BLNK: variants seen among roughly 807,000 people sequenced by gnomAD.
The protein encoded by BLNK is B-cell linker protein.
Under a neutral mutation model 73.5 loss-of-function variants are expected in BLNK, and 29 were observed. The observed-to-expected ratio is 0.39, with a 90% CI of 0.29 to 0.54. The LOEUF (loss-of-function observed/expected upper bound fraction) is 0.54, where lower values mean the gene tolerates loss of function less well. Among genes scored for constraint, BLNK ranks in the 20% least tolerant of loss-of-function variants. The probability of loss-of-function intolerance (pLI) is 0.61; values close to 1 mark genes in which losing one functional copy is unlikely to be tolerated. For missense variants in BLNK, 460 were observed against 562.8 expected (o/e 0.82, Z 1.85); for synonymous variants, 176 against 200.8 (o/e 0.88, Z 1.04).
At chr10:96,229,654 C>CGGTG (rs1554903569) in intron 4 of BLNK, among the ~76,000 whole-genome samples, 1 of 142,586 alleles carries the variant, frequency 7.0e-6, no homozygotes, top group Non-Finnish European at 1.5e-5. Context: ...TTACATGTGG[C>CGGTG]TGTGTGTGTG....
chr10:96,196,905 G>T lies in BLNK; in HGVS notation c.1251+3C>A. ...GAATTGAATTTAAAAAGAAATCACT[G>T]ACCTCTTCACCATTTTTCTTTCTGC... On this transcript the variant is annotated splice_donor_region_variant and intron_variant, in intron 16 of 16. Coordinates refer to ENST00000224337, the MANE Select transcript of BLNK (RefSeq NM_013314.4). 1 of 1,612,744 alleles carries T rather than the reference G, an allele frequency of 6.2e-7. No homozygotes were observed. The highest frequency in any genetic ancestry group is 1.1e-5 in the South Asian group (1 of 90,930).
intron 1 of BLNK, among the ~76,000 whole-genome samples, chr10:96,250,859 G>C (rs1554908956): frequency 6.6e-6 from 1 of 152,114 alleles, no homozygotes; most frequent in Admixed American, 6.5e-5. Context: ...ATTACAGTAA[G>C]TTACTGAAGT....
intron 4 of BLNK, among the ~76,000 whole-genome samples, chr10:96,228,697 C>T (rs12357751): frequency 0.2 from 30,535 of 152,200 alleles, 3,609 homozygotes; most frequent in South Asian, 0.27. Context: ...CAGAAAGAGT[C>T]ACTAGGTTTC....
intron 8 of BLNK, 161 bp from the exon 9 acceptor site, chr10:96,210,068 T>A: frequency 1.3e-6 from 1 of 767,248 alleles, no homozygotes; most frequent in South Asian, 1.5e-5. Context: ...TAAGGAAAAC[T>A]TGTGGGCAAA....
intron 13 of BLNK, among the ~76,000 whole-genome samples, chr10:96,202,937 C>G (rs1399470327): frequency 1.3e-5 from 2 of 152,216 alleles, no homozygotes; most frequent in African/African-American, 4.8e-5. Flanking sequence ...ACCATCCTGT[C>G]TACAGCAGCA....
chr10:96,216,781 G>A (rs1554899988), intron 6 of BLNK, 47 bp from the exon 7 acceptor site: 2 of 1,486,094 alleles, frequency 1.3e-6, no homozygotes, highest in Admixed American at 1.7e-5. Context: ...TACATTCATA[G>A]TTGACTGTAT....
In BLNK at chr10:96,191,344, T is replaced by G. The variant is rs181998049; in HGVS notation, c.*629A>C. On this transcript the variant is annotated 3_prime_UTR_variant, in exon 17 of 17. Coordinates refer to ENST00000224337, the MANE Select transcript of BLNK (RefSeq NM_013314.4). The stretch of plus-strand genomic sequence containing the variant: ...CATATCAAGTTTAGGTTCTATTTGA[T>G]AGACATGTAGATCAAAGAGGGTATA... 1.4e-4 allele frequency among the ~76,000 whole-genome samples: 21 copies of G among 151,832 alleles called. No homozygotes were observed. The East Asian group carries it at 4.1e-3, about 29-fold the overall frequency.
In BLNK at chr10:96,191,872, A is replaced by G; in HGVS notation, c.*101T>C. 6.7e-7 allele frequency: 1 copy of G among 1,491,530 alleles called. No individual in the cohort carries two copies. Among genetic ancestry groups the G allele is most frequent in the Non-Finnish European group, 9.3e-7 (1 of 1,074,942 alleles). The allele number at this position is 1,491,530 out of a possible 1,614,324, so 92.4% of individuals were successfully genotyped here. ...ACTCCATCTTCCATTTTATTACTGG[A>G]TGATTCATAATCCAAAATATGAAGT... is the stretch of plus-strand genomic sequence containing the variant. On this transcript the variant is annotated 3_prime_UTR_variant, in exon 17 of 17. Coordinates refer to ENST00000224337, the MANE Select transcript of BLNK (RefSeq NM_013314.4).
intron 3 of BLNK, among the ~76,000 whole-genome samples, chr10:96,239,699 G>A (rs1403820136): frequency 1.3e-5 from 2 of 152,132 alleles, no homozygotes; most frequent in Non-Finnish European, 2.9e-5. Context: ...TTTTGTAGAA[G>A]GTGAGGGAAA....
At chr10:96,201,084 A>T (rs1256350970) in intron 13 of BLNK, 26 bp from the exon 14 acceptor site, 2 of 1,587,750 alleles carry the variant, frequency 1.3e-6, no homozygotes, top group Non-Finnish European at 1.7e-6. Flanking sequence ...AAAGTCCTTC[A>T]ATTAATCTTC....
intron 3 of BLNK, among the ~76,000 whole-genome samples, chr10:96,237,196 T>C (rs758219323): frequency 7.2e-5 from 11 of 152,158 alleles, no homozygotes; most frequent in Admixed American, 2.0e-4. Context: ...GAAAACCAGG[T>C]AAATGCTGGC....
intron 1 of BLNK, among the ~76,000 whole-genome samples, chr10:96,266,670 G>A (rs942451352): frequency 5.9e-5 from 9 of 152,214 alleles, no homozygotes; most frequent in African/African-American, 1.7e-4. Context: ...GGTAGGCAGT[G>A]TGAGGGGATG....
In BLNK at chr10:96,271,250, A is replaced by G. The variant is rs528303088; in HGVS notation, c.47+102T>C. On this transcript the variant is annotated intron_variant, in intron 1 of 16. Transcript: ENST00000224337. ...CTATAGTAAGTGCCACCCACTGGAA[A>G]CTAGCAAAGCATTCCAGGATTTCAG... The G allele has an allele frequency of 2.4e-5, 33 of 1,384,846 alleles. No individual in the cohort carries two copies. The Admixed American group carries it at 2.7e-4, about 11-fold the overall frequency. The allele number at this position is 1,384,846 out of a possible 1,614,324, so 85.8% of individuals were successfully genotyped here. A position where few individuals can be genotyped will look rare whatever the true frequency, so the allele number is the denominator to read the frequency against.
At chr10:96,259,233 A>G (rs1843642043) in intron 1 of BLNK, among the ~76,000 whole-genome samples, 1 of 152,184 alleles carries the variant, frequency 6.6e-6, no homozygotes, top group Non-Finnish European at 1.5e-5. Context: ...TTACTGTGAC[A>G]CATGTGCCCC....
At chr10:96,221,317 GCT>G (rs2084192243) in intron 6 of BLNK, among the ~76,000 whole-genome samples, 1 of 152,174 alleles carries the variant, frequency 6.6e-6, no homozygotes, top group Non-Finnish European at 1.5e-5. Context: ...CCCACCTCCA[GCT>G]CTCTGTTTAG....
At chr10:96,220,637 A>G (rs1414912461) in intron 6 of BLNK, among the ~76,000 whole-genome samples, 3 of 152,222 alleles carry the variant, frequency 2.0e-5, no homozygotes, top group African/African-American at 7.2e-5. Context: ...TTTAATACCA[A>G]CCCCCTTCTT....
intron 1 of BLNK, among the ~76,000 whole-genome samples, chr10:96,267,300 A>C (rs559894401): frequency 6.6e-6 from 1 of 152,264 alleles, no homozygotes; most frequent in Non-Finnish European, 1.5e-5. Flanking sequence ...AGGAAAGAAA[A>C]GCCATATATG....
chr10:96,202,795 C>T (rs2083679966), intron 13 of BLNK, among the ~76,000 whole-genome samples: 1 of 152,136 alleles, frequency 6.6e-6, no homozygotes. Flanking sequence ...TGGAAGAGTA[C>T]CCATGGCTAA....
Position 96,197,040 on chromosome 10 carries a change from T to C in BLNK, c.1119A>G (p.Lys373=). Residue 373 remains lysine, a synonymous_variant, in exon 16 of 17, where the codon AAA becomes AAG. Coordinates refer to ENST00000224337, the MANE Select transcript of BLNK (RefSeq NM_013314.4). ...GTTGTTTGGAATCATGGCCAGAGCTTTTCCGAATAAGAAATGATCCATCCT... is the reference window on the plus strand; with the variant it reads ...GTTGTTTGGAATCATGGCCAGAGCTCTTCCGAATAAGAAATGATCCATCCT... ...SNKDGSFLIR[K]SSGHDSKQPY... 2 of 1,612,934 alleles carry C rather than the reference T, an allele frequency of 1.2e-6. No homozygotes were observed. The highest frequency in any genetic ancestry group is 1.7e-6 in the Non-Finnish European group (2 of 1,179,470).
Sources: gnomAD v4.1 joint callset for allele counts (sites outside exome capture counted in the v4.1 genomes callset) on GRCh38, gnomAD v4.1.1 for gene constraint, MANE v1.5 for transcripts, NCBI Gene and HGNC (gene_info 2026-07-23, HGNC 2026-07-21) for gene names.